SOX5: variants seen among roughly 807,000 people sequenced by gnomAD.
SOX5 encodes SRY-box transcription factor 5, also known as transcription factor SOX-5.
Under a neutral mutation model 92.0 loss-of-function variants are expected in SOX5, and 9 were observed. That is an observed-to-expected ratio of 0.10 (90% CI 0.06 to 0.17). SOX5 has a LOEUF of 0.17. SOX5 is among the 10% of genes least tolerant of loss of function. The pLI, the probability that SOX5 is intolerant of heterozygous loss-of-function variation, is 1.00. For synonymous variants in SOX5, 344 were observed against 336.3 expected (o/e 1.02, Z -0.25); for missense variants, 642 against 944.5 (o/e 0.68, Z 4.20).
intron 1 of SOX5, among the ~76,000 whole-genome samples, chr12:24,401,890 C>T (rs1961788818): frequency 6.6e-6 from 1 of 152,090 alleles, no homozygotes; most frequent in South Asian, 2.1e-4. Context: ...GTTTTAGCCT[C>T]ACCTATTTCT....
chr12:23,937,824 G>A (rs1942910320), intron 1 of SOX5, among the ~76,000 whole-genome samples: 1 of 150,916 alleles, frequency 6.6e-6, no homozygotes, highest in Non-Finnish European at 1.5e-5. Flanking sequence ...GGTTATACAT[G>A]CATTCAAAAC....
At chr12:24,257,245 A>G (rs2140215001) in intron 3 of SOX5, among the ~76,000 whole-genome samples, 1 of 152,330 alleles carries the variant, frequency 6.6e-6, no homozygotes, top group East Asian at 1.9e-4. Context: ...TAAATTTTTA[A>G]TGATTTTCTC....
chr12:23,700,344 T>C (rs536859580), intron 6 of SOX5, among the ~76,000 whole-genome samples: 2 of 152,294 alleles, frequency 1.3e-5, no homozygotes, highest in South Asian at 2.1e-4. Context: ...CCAGCTTTTG[T>C]GTTAGCTTAC....
chr12:24,535,484 G>C (rs1431825691), intron 1 of SOX5, among the ~76,000 whole-genome samples: 1 of 152,142 alleles, frequency 6.6e-6, no homozygotes, highest in East Asian at 1.9e-4. Flanking sequence ...TCTGAAAAGA[G>C]GGTAAAAGGT....
chr12:23,646,289 C>T (rs554345024), intron 7 of SOX5, among the ~76,000 whole-genome samples: 49 of 152,258 alleles, frequency 3.2e-4, no homozygotes, highest in African/African-American at 1.1e-3. Context: ...ATCCTCTCAC[C>T]TCAGTCTCTT....
intron 2 of SOX5, among the ~76,000 whole-genome samples, chr12:24,359,487 T>G (rs1018982510): frequency 6.6e-6 from 1 of 152,178 alleles, no homozygotes; most frequent in Non-Finnish European, 1.5e-5. Context: ...TTTGAAATGT[T>G]TACAAGGGGC....
chr12:24,116,113 G>C (rs544702589), intron 4 of SOX5, among the ~76,000 whole-genome samples: 2 of 152,068 alleles, frequency 1.3e-5, no homozygotes, highest in African/African-American at 2.4e-5. Flanking sequence ...CTGATAAAAC[G>C]TTACAACTGA....
chr12:23,723,544 G>A (rs2092938250), intron 6 of SOX5, among the ~76,000 whole-genome samples: 1 of 144,726 alleles, frequency 6.9e-6, no homozygotes, highest in African/African-American at 2.5e-5. Flanking sequence ...AGAACTAAAC[G>A]GTGGTAATTA....
intron 7 of SOX5, among the ~76,000 whole-genome samples, chr12:23,649,856 G>T (rs1045156934): frequency 1.3e-5 from 2 of 152,014 alleles, no homozygotes; most frequent in Non-Finnish European, 2.9e-5. Context: ...AGATTATTTA[G>T]GATGAAGGAA....
intron 4 of SOX5, among the ~76,000 whole-genome samples, chr12:24,165,006 G>A (rs571831026): frequency 4.7e-4 from 72 of 151,888 alleles, no homozygotes; most frequent in Non-Finnish European, 8.7e-4. Flanking sequence ...TTAGTATACA[G>A]GAAACTAAAT....
intron 1 of SOX5, among the ~76,000 whole-genome samples, chr12:23,940,824 C>G (rs1461792344): frequency 6.7e-6 from 1 of 150,212 alleles, no homozygotes; most frequent in East Asian, 2.0e-4. Flanking sequence ...ACCCTGAACA[C>G]TCAACTTTCA....
At chr12:24,010,137 GA>G in intron 4 of SOX5, among the ~76,000 whole-genome samples, 1 of 152,252 alleles carries the variant, frequency 6.6e-6, no homozygotes, top group South Asian at 2.1e-4. Context: ...AAAATGTACT[GA>G]ATAACTACAA....
chr12:24,325,890 G>T (rs1025070930), intron 2 of SOX5, among the ~76,000 whole-genome samples: 2 of 152,160 alleles, frequency 1.3e-5, no homozygotes, highest in Non-Finnish European at 2.9e-5. Context: ...TAGGGGTTGC[G>T]CACACGTGCA....
intron 8 of SOX5, among the ~76,000 whole-genome samples, chr12:23,627,938 C>T (rs10842194): frequency 0.67 from 101,920 of 151,658 alleles, 34,372 homozygotes; most frequent in Middle Eastern, 0.72. Context: ...ATTCTATGTA[C>T]AAAAACTTGA....
chr12:24,490,641 A>C (rs571291068), intron 1 of SOX5, among the ~76,000 whole-genome samples: 1 of 152,242 alleles, frequency 6.6e-6, no homozygotes, highest in Non-Finnish European at 1.5e-5. Flanking sequence ...GAATGCTTTC[A>C]TGGAAATTCA....
chr12:24,360,429 T>C (rs1955411798), intron 2 of SOX5, among the ~76,000 whole-genome samples: 1 of 152,122 alleles, frequency 6.6e-6, no homozygotes, highest in Admixed American at 6.5e-5. Context: ...TTATGTCAAC[T>C]AGGAAAATCA....
intron 2 of SOX5, among the ~76,000 whole-genome samples, chr12:23,885,126 C>T (rs61909996): frequency 4.1e-4 from 62 of 152,170 alleles, no homozygotes; most frequent in Non-Finnish European, 8.1e-4. Context: ...ATACTGATAA[C>T]AGCCTAGCAA....
intron 6 of SOX5, among the ~76,000 whole-genome samples, chr12:23,709,736 G>A (rs2091849974): frequency 6.6e-6 from 1 of 152,144 alleles, no homozygotes; most frequent in Non-Finnish European, 1.5e-5. Flanking sequence ...TTGTGTTTCT[G>A]TTCATGTCTG....
At chr12:24,200,197 C>T (rs931284917) in intron 4 of SOX5, among the ~76,000 whole-genome samples, 1 of 152,176 alleles carries the variant, frequency 6.6e-6, no homozygotes, top group Non-Finnish European at 1.5e-5. Context: ...AATCTGGGTA[C>T]TTTTTCTGGC....
Sources: gnomAD v4.1 joint callset for allele counts (sites outside exome capture counted in the v4.1 genomes callset) on GRCh38, gnomAD v4.1.1 for gene constraint, MANE v1.5 for transcripts, NCBI Gene and HGNC (gene_info 2026-07-23, HGNC 2026-07-21) for gene names.